Variants in NEGR1 observed in about 807,000 individuals in gnomAD.
The protein encoded by NEGR1 is IgLON family member 4.
NEGR1 carries 10 observed loss-of-function variants against 40.9 expected under a neutral mutation model. That is an observed-to-expected ratio of 0.24 (90% confidence interval 0.15 to 0.42). The LOEUF (loss-of-function observed/expected upper bound fraction) is 0.42. Ranked by LOEUF, NEGR1 falls within the 10% of genes least tolerant of loss-of-function variation. The probability of loss-of-function intolerance (pLI) is 1.00; values close to 1 mark genes in which losing one functional copy is unlikely to be tolerated. For synonymous variants in NEGR1, 185 were observed against 166.8 expected, an observed-to-expected ratio of 1.11 and a Z score of -0.84; for missense variants, 352 against 438.9, an observed-to-expected ratio of 0.80 and a Z score of 1.77.
chr1:71,834,982 G>C (rs1200235827), intron 2 of NEGR1, among the ~76,000 whole-genome samples: 1 of 151,250 alleles, frequency 6.6e-6, no homozygotes, highest in Admixed American at 6.6e-5. Context: ...CAAGTTTATG[G>C]AACAGCTGGG....
At chr1:72,116,980 T>C (rs1465460621) in intron 1 of NEGR1, among the ~76,000 whole-genome samples, 4 of 151,794 alleles carry the variant, frequency 2.6e-5, no homozygotes, top group African/African-American at 9.7e-5. Flanking sequence ...GTGTCTTATC[T>C]GAGCTTATTA....
chr1:72,278,928 G>A (rs1035077674), intron 1 of NEGR1, among the ~76,000 whole-genome samples: 6 of 151,750 alleles, frequency 4.0e-5, no homozygotes, highest in African/African-American at 1.5e-4. Context: ...CTTAAGAAAG[G>A]GAAATATCAA....
chr1:72,237,503 T>G (rs1398348962), intron 1 of NEGR1, among the ~76,000 whole-genome samples: 1 of 151,954 alleles, frequency 6.6e-6, no homozygotes, highest in Non-Finnish European at 1.5e-5. Context: ...ATGCTCCACC[T>G]TCTACTACCG....
chr1:71,531,643 C>T (rs1004586730), intron 6 of NEGR1, among the ~76,000 whole-genome samples: 12 of 151,214 alleles, frequency 7.9e-5, no homozygotes, highest in Non-Finnish European at 1.6e-4. Context: ...GAGAGACTAA[C>T]CCCTGTAAAA....
intron 1 of NEGR1, among the ~76,000 whole-genome samples, chr1:72,108,592 A>G (rs1649228683): frequency 6.6e-6 from 1 of 151,636 alleles, no homozygotes; most frequent in Non-Finnish European, 1.5e-5. Context: ...CTTGTTTAGC[A>G]GAAGAAATAG....
At chr1:72,282,271 CAG>C in intron 1 of NEGR1, 46 bp downstream of exon 1, 1 of 1,604,834 alleles carries the variant, frequency 6.2e-7, no homozygotes, top group South Asian at 1.1e-5. Context: ...CAAAGAGAGA[CAG>C]AAAGATAGAC....
In NEGR1 at chr1:71,404,979, T is replaced by G. The variant is rs1384156291; in HGVS notation, c.*2467A>C. 6.6e-6 allele frequency: 1 copy of G among 152,242 alleles called. No homozygotes were observed. Among genetic ancestry groups the G allele is most frequent in the Non-Finnish European group, 1.5e-5 (1 of 67,772 alleles). The allele number at this position is 152,242 out of a possible 1,614,324, so 9.4% of individuals were successfully genotyped here. A position where few individuals can be genotyped will look rare whatever the true frequency, so the allele number is the denominator to read the frequency against. On this transcript the variant is annotated 3_prime_UTR_variant, in exon 7 of 7. Transcript: ENST00000357731. ...ACAATATTGAACTCATAAATACTCATGATTTCACTCTGTCCGAGGGCCTAA... is the reference window on the plus strand; with the variant it reads ...ACAATATTGAACTCATAAATACTCAGGATTTCACTCTGTCCGAGGGCCTAA...
At chr1:71,437,898 T>C (rs771521383) in intron 6 of NEGR1, among the ~76,000 whole-genome samples, 4 of 152,194 alleles carry the variant, frequency 2.6e-5, no homozygotes, top group Non-Finnish European at 5.9e-5. Context: ...AGGAGAGCTA[T>C]ATTAAATATG....
In NEGR1 at chr1:72,085,026, G is replaced by A. The variant is rs1350170012; in HGVS notation, c.177-149715C>T. On this transcript the variant is annotated intron_variant, in intron 1 of 6. Coordinates refer to ENST00000357731, the MANE Select transcript of NEGR1 (RefSeq NM_173808.3). ...TGAAAACGTGAGACACTTGTGAACT[G>A]AGCACATTTTCAAAGCTCAAGTTTT... is the stretch of plus-strand genomic sequence containing the variant. Among the ~76,000 whole-genome samples, 3 of 152,144 alleles carry A rather than the reference G, an allele frequency of 2.0e-5. 1 individual carries two copies. In the South Asian group the frequency reaches 6.2e-4, roughly 32 times the overall value.
At chr1:71,549,112 T>C (rs1245259957) in intron 6 of NEGR1, among the ~76,000 whole-genome samples, 4 of 151,698 alleles carry the variant, frequency 2.6e-5, no homozygotes, top group African/African-American at 9.7e-5. Context: ...AAGGCTAGCA[T>C]TTATTGAGTG....
At chr1:72,199,200 T>A (rs549683190) in intron 1 of NEGR1, among the ~76,000 whole-genome samples, 2 of 149,772 alleles carry the variant, frequency 1.3e-5, no homozygotes, top group African/African-American at 5.0e-5. Context: ...ATAATATGTA[T>A]CTTGGGGGCT....
Position 71,724,120 on chromosome 1 carries a change from T to C in NEGR1, c.536-25981A>G, listed in dbSNP as rs143852068. Reference sequence around the variant, plus strand: ...TCCAGTTACATGAAGATTACAGTGTTTGAAATTGTCCCACAGCTTACTGAT... The same window carrying C: ...TCCAGTTACATGAAGATTACAGTGTCTGAAATTGTCCCACAGCTTACTGAT... On this transcript the variant is annotated intron_variant, in intron 3 of 6. Transcript: ENST00000357731. Among the ~76,000 whole-genome samples the C allele has an allele frequency of 2.7e-4, 41 of 152,298 alleles. No individual in the cohort carries two copies. In the East Asian group the frequency reaches 7.7e-3, roughly 29 times the overall value.
At chr1:72,103,075 T>C (rs991469286) in intron 1 of NEGR1, among the ~76,000 whole-genome samples, 6 of 152,140 alleles carry the variant, frequency 3.9e-5, no homozygotes, top group Non-Finnish European at 7.4e-5. Flanking sequence ...TTTTTATTTA[T>C]CTTTTGTCTT....
intron 1 of NEGR1, among the ~76,000 whole-genome samples, chr1:72,189,908 T>C (rs1367602907): frequency 6.6e-6 from 1 of 151,604 alleles, no homozygotes; most frequent in African/African-American, 2.4e-5. Flanking sequence ...TGACTGGACC[T>C]TGATCATTAG....
intron 1 of NEGR1, among the ~76,000 whole-genome samples, chr1:72,057,087 A>T (rs1246833798): frequency 6.6e-6 from 1 of 151,576 alleles, no homozygotes; most frequent in Admixed American, 6.6e-5. Context: ...AGAGTTCTTG[A>T]AAGCGGTGGC....
At chr1:71,809,209 G>A (rs942525017) in intron 2 of NEGR1, among the ~76,000 whole-genome samples, 16 of 152,064 alleles carry the variant, frequency 1.1e-4, no homozygotes, top group African/African-American at 3.9e-4. Context: ...GGAAAGTGGT[G>A]CTTCCCTGAG....
intron 1 of NEGR1, among the ~76,000 whole-genome samples, chr1:72,213,743 A>T (rs1196472866): frequency 6.6e-6 from 1 of 152,066 alleles, no homozygotes; most frequent in Non-Finnish European, 1.5e-5. Flanking sequence ...CAACCAAAAA[A>T]AGCCCAAGAC....
intron 1 of NEGR1, among the ~76,000 whole-genome samples, chr1:72,148,112 G>A (rs1217688099): frequency 6.6e-6 from 1 of 151,790 alleles, no homozygotes; most frequent in Non-Finnish European, 1.5e-5. Flanking sequence ...GAGACTCTGT[G>A]TAGGGGCTCA....
chr1:71,975,808 T>A (rs1373741340), intron 1 of NEGR1, among the ~76,000 whole-genome samples: 1 of 152,208 alleles, frequency 6.6e-6, no homozygotes, highest in Non-Finnish European at 1.5e-5. Flanking sequence ...AAATAGATAA[T>A]CTCCGAGATC....
Sources: allele counts gnomAD v4.1 joint callset (sites outside exome capture counted in the v4.1 genomes callset), GRCh38; gene constraint gnomAD v4.1.1; transcripts MANE v1.5; gene names NCBI Gene and HGNC (gene_info 2026-07-23, HGNC 2026-07-21).